Variants in ZYG11B observed in about 807,000 individuals in gnomAD.
ZYG11B encodes the protein protein zyg-11 homolog B.
A neutral mutation model predicts 82.4 loss-of-function variants in ZYG11B; 36 were observed. The observed-to-expected ratio is 0.44, with a 90% confidence interval of 0.33 to 0.58. The LOEUF (loss-of-function observed/expected upper bound fraction) is 0.58, where lower values mean the gene tolerates loss of function less well. Ranked by LOEUF, ZYG11B falls within the 20% of genes least tolerant of loss-of-function variation. ZYG11B has a pLI of 0.02. For missense variants in ZYG11B, 552 were observed against 895.6 expected (o/e 0.62, Z 4.90); for synonymous variants, 303 against 312.8 (o/e 0.97, Z 0.33).
intron 5 of ZYG11B, among the ~76,000 whole-genome samples, chr1:52,787,402 T>A (rs2149949469): frequency 6.6e-6 from 1 of 152,318 alleles, no homozygotes; most frequent in East Asian, 1.9e-4. Flanking sequence ...CAAGGGACTG[T>A]TAAACACAAA....
At chr1:52,750,398 G>T (rs1202831430) in intron 1 of ZYG11B, among the ~76,000 whole-genome samples, 1 of 151,924 alleles carries the variant, frequency 6.6e-6, no homozygotes, top group Non-Finnish European at 1.5e-5. Context: ...TCAGCCTGCT[G>T]AATAGCTGGG....
chr1:52,729,388 AT>A, intron 1 of ZYG11B, among the ~76,000 whole-genome samples: 1 of 152,126 alleles, frequency 6.6e-6, no homozygotes, highest in Non-Finnish European at 1.5e-5. Flanking sequence ...AATTAACTTG[AT>A]TTTTCCTTGC....
At chr1:52,753,001 C>T (rs2149927613) in intron 1 of ZYG11B, among the ~76,000 whole-genome samples, 1 of 152,212 alleles carries the variant, frequency 6.6e-6, no homozygotes, top group South Asian at 2.1e-4. Flanking sequence ...AAGTGCACCA[C>T]CACACCCAGC....
chr1:52,786,781 A>AAAAC (rs140939419), intron 5 of ZYG11B, among the ~76,000 whole-genome samples: 2,641 of 151,976 alleles, frequency 0.017, 86 homozygotes, highest in African/African-American at 0.059. Context: ...ACCTTGTCTC[A>AAAAC]AAACAAACAA....
Position 52,760,543 on chromosome 1 carries a change from A to AT in ZYG11B, c.196+3927dup, listed in dbSNP as rs990173348. On this transcript the variant is annotated intron_variant, in intron 2 of 13. Transcript: ENST00000294353. ...AAAATGTTTAACATATACATTTAAA[A>AT]TTTTTTTACTTATTTACTCAATTCA... 1.1e-4 allele frequency among the ~76,000 whole-genome samples: 17 copies of AT among 152,222 alleles called. No individual in the cohort carries two copies. In the East Asian group the frequency reaches 2.5e-3, roughly 22 times the overall value.
chr1:52,797,889 C>T (rs1245915044), intron 8 of ZYG11B, among the ~76,000 whole-genome samples: 2 of 151,452 alleles, frequency 1.3e-5, no homozygotes, highest in Non-Finnish European at 2.9e-5. Flanking sequence ...TTTGGGAGGC[C>T]AAGGCAGGAG....
chr1:52,819,764 C>T (rs577275441), intron 13 of ZYG11B, among the ~76,000 whole-genome samples: 2 of 143,296 alleles, frequency 1.4e-5, no homozygotes, highest in Non-Finnish European at 1.5e-5. Context: ...TCAGCCTGGG[C>T]GACAGAGTGA....
At chr1:52,736,532 A>G (rs1343950695) in intron 1 of ZYG11B, among the ~76,000 whole-genome samples, 7 of 151,922 alleles carry the variant, frequency 4.6e-5, no homozygotes, top group Non-Finnish European at 1.5e-5. Flanking sequence ...GGCTCACTGC[A>G]ACCTCGGCCT....
rs967526211 is a variant in ZYG11B, at chr1:52,824,822, A to T, written c.*3193A>T. ...GAATTATGAGGCATAAGTAGCCAGT[A>T]TCTATAGTTAGAATCTACAAGGCCT... On this transcript the variant is annotated 3_prime_UTR_variant, in exon 14 of 14. Transcript: ENST00000294353. 1 of 152,132 alleles carries T rather than the reference A, an allele frequency of 6.6e-6. No individual in the cohort carries two copies. Among genetic ancestry groups the T allele is most frequent in the Non-Finnish European group, 1.5e-5 (1 of 68,034 alleles). 9.4% of individuals were successfully genotyped at this position (152,132 alleles called of 1,614,324 possible).
At chr1:52,797,724 T>C (rs376692229) in intron 8 of ZYG11B, among the ~76,000 whole-genome samples, 4 of 151,072 alleles carry the variant, frequency 2.6e-5, no homozygotes, top group African/African-American at 9.7e-5. Flanking sequence ...TTAGCCAGGA[T>C]GGTCTCGATC....
chr1:52,743,003 C>G (rs1644446265), intron 1 of ZYG11B, among the ~76,000 whole-genome samples: 1 of 151,802 alleles, frequency 6.6e-6, no homozygotes, highest in African/African-American at 2.4e-5. Flanking sequence ...CCGGCCGCCC[C>G]GTCTGGGAAG....
At chr1:52,755,297 T>G (rs1277521191) in intron 1 of ZYG11B, among the ~76,000 whole-genome samples, 1 of 151,972 alleles carries the variant, frequency 6.6e-6, no homozygotes, top group South Asian at 2.1e-4. Context: ...GGCATTCTTG[T>G]CAATATCAAT....
intron 3 of ZYG11B, among the ~76,000 whole-genome samples, chr1:52,774,337 T>G (rs1285528248): frequency 2.0e-5 from 3 of 147,382 alleles, no homozygotes; most frequent in Non-Finnish European, 4.5e-5. Flanking sequence ...AGATGGAGTC[T>G]AGCTCCGTCA....
chr1:52,756,338 A>C lies in ZYG11B; in HGVS notation c.31-120A>C, dbSNP rs1455356264. On this transcript the variant is annotated intron_variant, in intron 1 of 13. Transcript: ENST00000294353. ...TCCACTGCCTTACACAGTGTCTAGC[A>C]TATGATAGACACTAAAGAAATACTT... The C allele has an allele frequency of 7.8e-6, 7 of 895,280 alleles. No homozygotes were observed. The Admixed American group carries it at 1.8e-4, about 22-fold the overall frequency. 55.5% of individuals were successfully genotyped at this position (895,280 alleles called of 1,614,324 possible).
intron 3 of ZYG11B, among the ~76,000 whole-genome samples, chr1:52,775,929 G>T (rs1422270679): frequency 6.6e-6 from 1 of 151,374 alleles, no homozygotes; most frequent in African/African-American, 2.4e-5. Flanking sequence ...AAACATAGAG[G>T]CAATGTCTGG....
At chr1:52,734,651 CAAA>C (rs1212257960) in intron 1 of ZYG11B, among the ~76,000 whole-genome samples, 2 of 122,638 alleles carry the variant, frequency 1.6e-5, no homozygotes, top group Non-Finnish European at 1.8e-5. Flanking sequence ...ACTCTGGCTC[CAAA>C]AAAAAAAAAA....
At position 52,826,378 on chromosome 1, in the gene ZYG11B, T is replaced by C. The variant is rs1184811630; in HGVS notation, c.*4749T>C. Reference sequence around the variant, plus strand: ...TTTTGACAGTTTTTAATTTGCAGTATTCACTCACGAACTGTTTTATTTTAG... The same window carrying C: ...TTTTGACAGTTTTTAATTTGCAGTACTCACTCACGAACTGTTTTATTTTAG... On this transcript the variant is annotated 3_prime_UTR_variant, in exon 14 of 14. Coordinates refer to ENST00000294353, the MANE Select transcript of ZYG11B (RefSeq NM_024646.3). The C allele has an allele frequency of 6.6e-6, 1 of 152,220 alleles. No homozygotes were observed. Among genetic ancestry groups the C allele is most frequent in the Non-Finnish European group, 1.5e-5 (1 of 68,032 alleles). The allele number at this position is 152,220 out of a possible 1,614,324, so 9.4% of individuals were successfully genotyped here.
intron 1 of ZYG11B, among the ~76,000 whole-genome samples, chr1:52,736,190 T>C (rs1644377230): frequency 6.6e-6 from 1 of 152,180 alleles, no homozygotes; most frequent in African/African-American, 2.4e-5. Context: ...TAGACAGCAG[T>C]GAATCTACAG....
In ZYG11B at chr1:52,826,860, T is replaced by C. The variant is rs1383403401; in HGVS notation, c.*5231T>C. 1 of 152,182 alleles carries C rather than the reference T, an allele frequency of 6.6e-6. No homozygotes were observed. Among genetic ancestry groups the C allele is most frequent in the Admixed American group, 6.5e-5 (1 of 15,268 alleles). 9.4% of individuals were successfully genotyped at this position (152,182 alleles called of 1,614,324 possible). A position where few individuals can be genotyped will look rare whatever the true frequency, so the allele number is the denominator to read the frequency against. On this transcript the variant is annotated 3_prime_UTR_variant, in exon 14 of 14. Coordinates refer to ENST00000294353, the MANE Select transcript of ZYG11B (RefSeq NM_024646.3). ...CTTATTTTGGGAAAAACTGTTCAAA[T>C]TGGGTCCTTTTAAGCTTATTTTAAG... is the stretch of plus-strand genomic sequence containing the variant.
Sources: gnomAD v4.1 joint callset for allele counts (sites outside exome capture counted in the v4.1 genomes callset) on GRCh38, gnomAD v4.1.1 for gene constraint, MANE v1.5 for transcripts, NCBI Gene and HGNC (gene_info 2026-07-23, HGNC 2026-07-21) for gene names.